The following PHTF2 variants were observed in gnomAD, a reference collection of about 807,000 sequenced individuals.
PHTF2 encodes protein PHTF2.
A neutral mutation model predicts 101.2 loss-of-function variants in PHTF2; 60 were observed. The ratio of observed to expected loss-of-function variants is 0.59; its 90% CI spans 0.48 to 0.73. The LOEUF (loss-of-function observed/expected upper bound fraction) is 0.73. Among genes scored for constraint, PHTF2 ranks in the 30% least tolerant of loss-of-function variants. The probability of loss-of-function intolerance (pLI) is 0.00; values close to 1 mark genes in which losing one functional copy is unlikely to be tolerated. For synonymous variants in PHTF2, 311 were observed against 307.3 expected (o/e 1.01, Z -0.13); for missense variants, 747 against 908.7 (o/e 0.82, Z 2.29).
Position 77,935,128 on chromosome 7 carries a change from C to A in PHTF2, c.1339-2582C>A, listed in dbSNP as rs911051394. On this transcript the variant is annotated intron_variant, in intron 12 of 19. Transcript: ENST00000416283. ...TGTTTTTCAGTGTACATTCCCCCCC[C>A]CCACACACACACACAGAGGAATATA... Among the ~76,000 whole-genome samples the A allele has an allele frequency of 2.4e-4, 16 of 66,212 alleles. 1 individual carries two copies. The highest frequency in any genetic ancestry group is 5.4e-4 in the South Asian group (1 of 1,858). The allele number at this position is 66,212 out of a possible 152,430, so 43.4% of individuals were successfully genotyped here. A position where few individuals can be genotyped will look rare whatever the true frequency, so the allele number is the denominator to read the frequency against.
chr7:77,840,179 G>C (rs1159523200), intron 1 of PHTF2, 42 bp from the exon 2 acceptor site: 1 of 1,040,354 alleles, frequency 9.6e-7, no homozygotes, highest in Admixed American at 1.7e-5. Flanking sequence ...CTTTTGGAAG[G>C]TGGGAAATAA....
chr7:77,954,646 A>ATATATATG (rs567176874), intron 19 of PHTF2, among the ~76,000 whole-genome samples: 8 of 142,938 alleles, frequency 5.6e-5, no homozygotes, highest in African/African-American at 1.3e-4. Flanking sequence ...ATATATATAT[A>ATATATATG]GCCACTTCTC....
intron 1 of PHTF2, among the ~76,000 whole-genome samples, chr7:77,834,035 T>C (rs548489571): frequency 6.6e-6 from 1 of 152,274 alleles, no homozygotes; most frequent in East Asian, 1.9e-4. Flanking sequence ...TGAATCAAGC[T>C]TGAGGATTGC....
chr7:77,831,529 T>C (rs1795076475), intron 1 of PHTF2, among the ~76,000 whole-genome samples: 1 of 152,222 alleles, frequency 6.6e-6, no homozygotes. Flanking sequence ...TGAGTCACCA[T>C]GGTGTGTAAT....
chr7:77,836,315 G>A (rs535531837), intron 1 of PHTF2, among the ~76,000 whole-genome samples: 2 of 152,190 alleles, frequency 1.3e-5, no homozygotes, highest in South Asian at 4.2e-4. Flanking sequence ...GGAGGCAGGA[G>A]TATCAGGCAC....
intron 11 of PHTF2, among the ~76,000 whole-genome samples, chr7:77,926,744 G>A (rs1003580426): frequency 2.0e-5 from 3 of 150,176 alleles, no homozygotes; most frequent in South Asian, 4.2e-4. Flanking sequence ...TGAGGTGGGC[G>A]GATCCCTTGA....
intron 3 of PHTF2, among the ~76,000 whole-genome samples, chr7:77,869,704 C>A (rs1798365154): frequency 6.6e-6 from 1 of 152,180 alleles, no homozygotes; most frequent in Non-Finnish European, 1.5e-5. Flanking sequence ...TCCTCTTTCT[C>A]TAGATCTCAC....
chr7:77,915,946 G>A (rs998702173), intron 9 of PHTF2, among the ~76,000 whole-genome samples: 2 of 151,428 alleles, frequency 1.3e-5, no homozygotes, highest in Admixed American at 6.6e-5. Flanking sequence ...TTACATGCAT[G>A]AATTGTAAAT....
chr7:77,889,591 T>C (rs1242421490), intron 3 of PHTF2, among the ~76,000 whole-genome samples: 2 of 151,016 alleles, frequency 1.3e-5, no homozygotes, highest in African/African-American at 2.4e-5. Flanking sequence ...TTTTTTTTTT[T>C]TCCTTTTTTT....
At chr7:77,866,599 G>C (rs762190310) in intron 3 of PHTF2, among the ~76,000 whole-genome samples, 1 of 151,752 alleles carries the variant, frequency 6.6e-6, no homozygotes, top group African/African-American at 2.4e-5. Context: ...AGCCTCAATT[G>C]TCTCGTCAGT....
In PHTF2 at chr7:77,949,838, G is replaced by T; in HGVS notation, c.2115+5G>T. 1 of 1,409,822 alleles carries T rather than the reference G, an allele frequency of 7.1e-7. No homozygotes were observed. Among genetic ancestry groups the T allele is most frequent in the Non-Finnish European group, 9.7e-7 (1 of 1,028,722 alleles). 87.3% of individuals were successfully genotyped at this position (1,409,822 alleles called of 1,614,324 possible). A position where few individuals can be genotyped will look rare whatever the true frequency, so the allele number is the denominator to read the frequency against. On this transcript the variant is annotated splice_donor_5th_base_variant and intron_variant, in intron 17 of 19. Transcript: ENST00000416283. ...TCAATATTACTTACTGAACAGGTGA[G>T]TGTGCCTACTTATTATGCTACAAAT...
intron 5 of PHTF2, among the ~76,000 whole-genome samples, chr7:77,899,968 G>C (rs1408265303): frequency 6.0e-5 from 9 of 149,074 alleles, no homozygotes; most frequent in Non-Finnish European, 1.0e-4. Flanking sequence ...AATTTACTTT[G>C]TTATAGGTTT....
At chr7:77,935,822 C>G (rs1275974657) in intron 12 of PHTF2, among the ~76,000 whole-genome samples, 2 of 152,168 alleles carry the variant, frequency 1.3e-5, no homozygotes, top group African/African-American at 4.8e-5. Context: ...TGTTGGCTCT[C>G]AAGCTTAAAC....
chr7:77,927,199 T>C (rs2049560), intron 11 of PHTF2, among the ~76,000 whole-genome samples: 2,284 of 108,448 alleles, frequency 0.021, 62 homozygotes, highest in African/African-American at 0.084. Flanking sequence ...TATATATACA[T>C]ACACACACAC....
At chr7:77,942,596 A>G (rs1403116600) in intron 15 of PHTF2, 104 bp from the exon 15 acceptor site, 1 of 566,378 alleles carries the variant, frequency 1.8e-6, no homozygotes, top group Non-Finnish European at 3.1e-6. Context: ...TGATCAACTG[A>G]TGGTGATGAG....
At chr7:77,868,560 T>C (rs1229326961) in intron 3 of PHTF2, among the ~76,000 whole-genome samples, 1 of 152,086 alleles carries the variant, frequency 6.6e-6, no homozygotes, top group South Asian at 2.1e-4. Flanking sequence ...TTTCAGTAAG[T>C]CAAAGAATGG....
chr7:77,836,637 T>A (rs1048945888), intron 1 of PHTF2, among the ~76,000 whole-genome samples: 1 of 152,158 alleles, frequency 6.6e-6, no homozygotes, highest in Admixed American at 6.5e-5. Flanking sequence ...CATGGAATAC[T>A]ATGCAGCCAT....
intron 1 of PHTF2, among the ~76,000 whole-genome samples, chr7:77,818,698 C>T (rs1794044187): frequency 6.6e-6 from 1 of 152,140 alleles, no homozygotes; most frequent in South Asian, 2.1e-4. Context: ...TGTGATGCCT[C>T]CTCTTTGTGC....
At chr7:77,951,285 AAG>A (rs1806519100) in intron 17 of PHTF2, among the ~76,000 whole-genome samples, 2 of 152,200 alleles carry the variant, frequency 1.3e-5, no homozygotes, top group African/African-American at 4.8e-5. Context: ...GTAAAAAAGA[AAG>A]AAAGAAAAAT....
Sources: gnomAD v4.1 joint callset for allele counts (sites outside exome capture counted in the v4.1 genomes callset) on GRCh38, gnomAD v4.1.1 for gene constraint, MANE v1.5 for transcripts, NCBI Gene and HGNC (gene_info 2026-07-23, HGNC 2026-07-21) for gene names.